SH3GL1: variants seen among roughly 807,000 people sequenced by gnomAD.
SH3GL1 encodes endophilin-A2.
Under a neutral mutation model 48.8 loss-of-function variants are expected in SH3GL1, and 21 were observed. The ratio of observed to expected loss-of-function variants is 0.43; its 90% CI spans 0.30 to 0.62. The LOEUF is 0.62. Ranked by LOEUF, SH3GL1 falls within the 20% of genes least tolerant of loss-of-function variation. The pLI is 0.11. For synonymous variants in SH3GL1, 282 were observed against 217.5 expected (o/e 1.30, Z -2.61); for missense variants, 454 against 503.0 (o/e 0.90, Z 0.93).
At chr19:4,398,163 T>G (rs1289182543) in intron 1 of SH3GL1, among the ~76,000 whole-genome samples, 1 of 152,032 alleles carries the variant, frequency 6.6e-6, no homozygotes, top group Middle Eastern at 3.4e-3. Context: ...ACTTTTTTCT[T>G]TCCAGGGGCA....
chr19:4,366,435 T>C, intron 3 of SH3GL1, 66 bp downstream of exon 3: 1 of 1,304,590 alleles, frequency 7.7e-7, no homozygotes, highest in Non-Finnish European at 1.1e-6. Context: ...TGTCATCCCC[T>C]GCCTTCCCTC....
intron 1 of SH3GL1, among the ~76,000 whole-genome samples, chr19:4,377,290 CAG>C (rs1973028193): frequency 3.9e-5 from 6 of 152,224 alleles, no homozygotes; most frequent in Admixed American, 3.9e-4. Context: ...GGAGGCCAAA[CAG>C]AAACCGCCTA....
chr19:4,362,589 A>C, intron 8 of SH3GL1, 23 bp downstream of exon 8: 1 of 1,612,904 alleles, frequency 6.2e-7, no homozygotes, highest in Non-Finnish European at 8.5e-7. Context: ...TTGCCTCCGC[A>C]AGAGGGCTCC....
At chr19:4,384,520 T>C (rs949515248) in intron 1 of SH3GL1, among the ~76,000 whole-genome samples, 5 of 152,328 alleles carry the variant, frequency 3.3e-5, no homozygotes, top group South Asian at 4.1e-4. Flanking sequence ...TCTCGCTATA[T>C]TGCCTAGGCT....
chr19:4,361,847 CCA>C, intron 9 of SH3GL1, 51 bp from the exon 10 acceptor site: 1 of 1,347,782 alleles, frequency 7.4e-7, no homozygotes. Context: ...CTCACCCCGC[CCA>C]GTCTGGGGTC....
At position 4,376,286 on chromosome 19, in the gene SH3GL1, G is replaced by A. The variant is rs774665475; in HGVS notation, c.46-9292C>T. Among the ~76,000 whole-genome samples, 3 of 152,200 alleles carry A rather than the reference G, an allele frequency of 2.0e-5. No individual in the cohort carries two copies. The highest frequency in any genetic ancestry group is 4.4e-5 in the Non-Finnish European group (3 of 68,040). On this transcript the variant is annotated intron_variant, in intron 1 of 9. Transcript: ENST00000269886. This position sits in a 1 kb window ranked among gnomAD's most constrained non-coding sequence, Gnocchi z 4.3. The stretch of plus-strand genomic sequence containing the variant: ...GAGTCACCTGTCACCAGAGCCTGGT[G>A]TCCCTGTGCAGCTGTGCCAGGTGGG...
intron 1 of SH3GL1, among the ~76,000 whole-genome samples, chr19:4,375,645 C>T (rs766701022): frequency 6.6e-6 from 1 of 152,228 alleles, no homozygotes; most frequent in African/African-American, 2.4e-5. Context: ...AGCTCCAGCC[C>T]GAGCGAACAC....
At chr19:4,377,352 G>C (rs1404117025) in intron 1 of SH3GL1, among the ~76,000 whole-genome samples, 1 of 152,246 alleles carries the variant, frequency 6.6e-6, no homozygotes, top group Non-Finnish European at 1.5e-5. Context: ...GTTCTCTACA[G>C]AATGCGTGGT....
intron 1 of SH3GL1, among the ~76,000 whole-genome samples, chr19:4,390,881 G>A (rs982286106): frequency 8.5e-5 from 13 of 152,092 alleles, no homozygotes; most frequent in African/African-American, 2.4e-4. Context: ...CGAAACCTGC[G>A]GCTGCCTCCG....
rs370642174 is a variant in SH3GL1, at chr19:4,361,768, C to T, written c.939G>A (p.Ala313=). The change falls in exon 10 of 10, where the codon GCG becomes GCA. Residue 313 remains alanine, a synonymous_variant. Transcript: ENST00000269886. ...CGTTCTCGGGCTCGAAGTCGTACAGCGCCTTGCAGCTCGGCTGGTCCAGGG... is the reference window on the plus strand; with the variant it reads ...CGTTCTCGGGCTCGAAGTCGTACAGTGCCTTGCAGCTCGGCTGGTCCAGGG... ...MPPLDQPSCK[A]LYDFEPENDG... 3.4e-5 allele frequency: 54 copies of T among 1,610,762 alleles called. No homozygotes were observed. The highest frequency in any genetic ancestry group is 1.3e-4 in the Admixed American group (8 of 59,990).
At chr19:4,391,699 G>C (rs976119475) in intron 1 of SH3GL1, among the ~76,000 whole-genome samples, 6 of 152,200 alleles carry the variant, frequency 3.9e-5, no homozygotes, top group African/African-American at 1.2e-4. Context: ...GGGGAGCCGT[G>C]GGGTGTAAGG....
intron 1 of SH3GL1, among the ~76,000 whole-genome samples, chr19:4,394,870 A>C (rs1281830590): frequency 6.6e-6 from 1 of 152,186 alleles, no homozygotes; most frequent in African/African-American, 2.4e-5. Flanking sequence ...TGTCCTATGC[A>C]TTGTAGGATG....
chr19:4,366,379 G>A (rs1972779550), intron 3 of SH3GL1, 122 bp downstream of exon 3: 1 of 752,982 alleles, frequency 1.3e-6, no homozygotes, highest in Admixed American at 2.2e-5. Context: ...CTGCACTCCG[G>A]GATCCAGCTG....
In SH3GL1 at chr19:4,383,734, A is replaced by G. The variant is rs908956295; in HGVS notation, c.45+16590T>C. Among the ~76,000 whole-genome samples the G allele has an allele frequency of 6.6e-5, 10 of 152,340 alleles. No individual in the cohort carries two copies. The East Asian group carries it at 1.9e-3, about 29-fold the overall frequency. ...CATTCTCAACAGCGAAATCACCAAC[A>G]AAATCCCAAAAATGTGAGAAACATG... is the stretch of plus-strand genomic sequence containing the variant. On this transcript the variant is annotated intron_variant, in intron 1 of 9. Transcript: ENST00000269886.
intron 1 of SH3GL1, among the ~76,000 whole-genome samples, chr19:4,374,859 G>A (rs1234565319): frequency 6.6e-6 from 1 of 152,224 alleles, no homozygotes; most frequent in Non-Finnish European, 1.5e-5. Context: ...GCTGCGCCTG[G>A]TGGCCGTATG....
At chr19:4,393,248 G>A (rs1326927154) in intron 1 of SH3GL1, among the ~76,000 whole-genome samples, 1 of 151,512 alleles carries the variant, frequency 6.6e-6, no homozygotes, top group Non-Finnish European at 1.5e-5. Context: ...GCAATGGTGT[G>A]AGACTCCGTC....
chr19:4,383,390 T>G (rs1973175253), intron 1 of SH3GL1, among the ~76,000 whole-genome samples: 1 of 151,876 alleles, frequency 6.6e-6, no homozygotes, highest in South Asian at 2.1e-4. Flanking sequence ...ATTTTTTTTT[T>G]TATTTTTTAT....
In SH3GL1 at chr19:4,361,575, G is replaced by A; in HGVS notation, c.*25C>T. The stretch of plus-strand genomic sequence containing the variant: ...GGGGGTGCCGGCCAGTGTGGACGGA[G>A]GGGCGGGGCGGGGACACGGGTGAGT... On this transcript the variant is annotated 3_prime_UTR_variant, in exon 10 of 10. Transcript: ENST00000269886. 1.3e-6 allele frequency: 2 copies of A among 1,543,898 alleles called. No individual in the cohort carries two copies. Among genetic ancestry groups the A allele is most frequent in the Non-Finnish European group, 1.8e-6 (2 of 1,136,340 alleles).
chr19:4,385,279 G>A (rs1973215729), intron 1 of SH3GL1, among the ~76,000 whole-genome samples: 1 of 152,178 alleles, frequency 6.6e-6, no homozygotes, highest in Non-Finnish European at 1.5e-5. Context: ...CTGCTCATCT[G>A]CTGGTCATTC....
Sources: gnomAD v4.1 joint callset for allele counts (sites outside exome capture counted in the v4.1 genomes callset) on GRCh38, gnomAD v4.1.1 for gene constraint, Gnocchi (gnomAD v3.1) non-coding constraint, MANE v1.5 for transcripts, NCBI Gene and HGNC (gene_info 2026-07-23, HGNC 2026-07-21) for gene names.